The following MMP24 variants were observed in gnomAD, a reference collection of about 807,000 sequenced individuals.
The protein encoded by MMP24 is matrix metalloproteinase-24.
MMP24 carries 25 observed loss-of-function variants against 62.8 expected under a neutral mutation model. The observed-to-expected ratio is 0.40, with a 90% confidence interval of 0.29 to 0.56. The LOEUF (loss-of-function observed/expected upper bound fraction) is 0.56, where lower values mean the gene tolerates loss of function less well. Ranked by LOEUF, MMP24 falls within the 20% of genes least tolerant of loss-of-function variation. The probability of loss-of-function intolerance (pLI) is 0.50; values close to 1 mark genes in which losing one functional copy is unlikely to be tolerated. For synonymous variants in MMP24, 319 were observed against 350.5 expected, an observed-to-expected ratio of 0.91 and a Z score of 1.00; for missense variants, 634 against 853.6, an observed-to-expected ratio of 0.74 and a Z score of 3.21.
intron 6 of MMP24, among the ~76,000 whole-genome samples, chr20:35,268,306 G>A (rs527672470): frequency 1.3e-5 from 2 of 152,368 alleles, no homozygotes; most frequent in East Asian, 3.9e-4. Context: ...TGGCCACACT[G>A]CTGGCCACTG....
rs371836548 is a variant in MMP24 at position 35,253,587 on chromosome 20, C to T, written c.513-863C>T. Among the ~76,000 whole-genome samples the T allele has an allele frequency of 6.0e-4, 92 of 152,164 alleles. No homozygotes were observed. The South Asian group carries it at 0.019, about 31-fold the overall frequency. ...GAATAATCCATGCCCCAGAGGGTCA[C>T]AGGGCAGGGAACCCACAGGTAGTAA... On this transcript the variant is annotated intron_variant, in intron 3 of 8. Coordinates refer to ENST00000246186, the MANE Select transcript of MMP24 (RefSeq NM_006690.4).
chr20:35,232,753 T>C (rs1276176844), intron 1 of MMP24, among the ~76,000 whole-genome samples: 1 of 152,158 alleles, frequency 6.6e-6, no homozygotes, highest in African/African-American at 2.4e-5. Flanking sequence ...AGTAAGAGTG[T>C]ATAAGGAGAA....
chr20:35,251,039 T>A (rs992519373), intron 2 of MMP24, among the ~76,000 whole-genome samples: 1 of 152,062 alleles, frequency 6.6e-6, no homozygotes, highest in Non-Finnish European at 1.5e-5. Flanking sequence ...AATAAACCAA[T>A]AAATTTTAAA....
At chr20:35,270,915 C>A (rs920115270) in intron 7 of MMP24, among the ~76,000 whole-genome samples, 3 of 152,222 alleles carry the variant, frequency 2.0e-5, no homozygotes, top group Non-Finnish European at 4.4e-5. Flanking sequence ...TGGCACGTGC[C>A]TGTAATCCTA....
intron 5 of MMP24, among the ~76,000 whole-genome samples, chr20:35,265,309 G>A (rs2060627004): frequency 6.6e-6 from 1 of 152,116 alleles, no homozygotes; most frequent in Non-Finnish European, 1.5e-5. Context: ...TGGCATGGTG[G>A]TGCACGCCTA....
At chr20:35,265,519 A>G (rs564010314) in intron 5 of MMP24, among the ~76,000 whole-genome samples, 7 of 152,290 alleles carry the variant, frequency 4.6e-5, no homozygotes, top group African/African-American at 1.7e-4. Context: ...GTCATACACT[A>G]GTATGTATTA....
At position 35,271,774 on chromosome 20, in the gene MMP24, C is replaced by T. The variant is rs61729977; in HGVS notation, c.1539C>T (p.Pro513=). The T allele has an allele frequency of 1.9e-6, 3 of 1,604,634 alleles. No homozygotes were observed. Among genetic ancestry groups the T allele is most frequent in the African/African-American group, 2.7e-5 (2 of 74,834 alleles). ...CCACGGACCCTGGCTACCCTAAGCC[C>T]ATCACCGTGTGGAAGGGCATCCCAC... is the stretch of plus-strand genomic sequence containing the variant. ...RRATDPGYPK[P]ITVWKGIPQA... is the part of the protein sequence containing the mutation. The change falls in exon 8 of 9, where the codon CCC becomes CCT. Residue 513 remains proline, a synonymous_variant. Transcript: ENST00000246186. The surrounding 1 kb of genome is among the most constrained non-coding windows in gnomAD (Gnocchi z 4.0).
chr20:35,258,145 GC>G, intron 4 of MMP24, among the ~76,000 whole-genome samples: 1 of 152,174 alleles, frequency 6.6e-6, no homozygotes, highest in Admixed American at 6.5e-5. Context: ...CAACGTTGTG[GC>G]ATTCCTATTT....
intron 1 of MMP24, among the ~76,000 whole-genome samples, chr20:35,245,443 T>C (rs2060509466): frequency 6.6e-6 from 1 of 152,096 alleles, no homozygotes. Context: ...TATAGGCATA[T>C]ATGTATATTT....
intron 2 of MMP24, 48 bp from the exon 3 acceptor site, chr20:35,251,857 C>A (rs2060548605): frequency 2.1e-6 from 3 of 1,455,058 alleles, no homozygotes; most frequent in South Asian, 1.1e-5. Context: ...CTAAAGTGTT[C>A]AGTGACCACA....
intron 1 of MMP24, among the ~76,000 whole-genome samples, chr20:35,242,824 A>G (rs1272052115): frequency 6.6e-6 from 1 of 152,222 alleles, no homozygotes; most frequent in Admixed American, 6.5e-5. Context: ...TAGGACCCAC[A>G]AGAACTGGCT....
Position 35,256,646 on chromosome 20 carries a change from G to C in MMP24, c.817+1892G>C, listed in dbSNP as rs532531885. Among the ~76,000 whole-genome samples, 11 of 150,242 alleles carry C rather than the reference G, an allele frequency of 7.3e-5. No individual in the cohort carries two copies. The South Asian group carries it at 2.3e-3, about 32-fold the overall frequency. ...AGGCAGGAGAATCCCTTGAACCCGG[G>C]AGGCGGAGGTTACAGTGAGCCGAGA... On this transcript the variant is annotated intron_variant, in intron 4 of 8. Coordinates refer to ENST00000246186, the MANE Select transcript of MMP24 (RefSeq NM_006690.4).
In MMP24 at chr20:35,254,581, G is replaced by T. The variant is rs766205973; in HGVS notation, c.644G>T (p.Arg215Leu). 1.2e-6 allele frequency: 2 copies of T among 1,614,054 alleles called. No individual in the cohort carries two copies. Among genetic ancestry groups the T allele is most frequent in the African/African-American group, 1.3e-5 (1 of 75,054 alleles). Residue 215 changes from arginine (R) to leucine (L), a missense_variant, in exon 4 of 9, where the codon CGG (arginine) becomes CTG (leucine). Transcript: ENST00000246186. ...CCATACCATGAGATCAAAAGTGACC[G>T]GAAGGAGGCAGACATCATGATCTTT... Reference protein sequence around the residue: ...EVPYHEIKSDRKEADIMIFFA... With the variant: ...EVPYHEIKSDLKEADIMIFFA...
rs1018753372 is a variant in MMP24, at chr20:35,275,613, T to A, written c.*1004T>A. On this transcript the variant is annotated 3_prime_UTR_variant, in exon 9 of 9. Transcript: ENST00000246186. ...CAGCCTGGAGCTCAGCCTCACCAGT[T>A]AGGTGAGGCAGAGATGGCTGCAGGG... 3 of 159,006 alleles carry A rather than the reference T, an allele frequency of 1.9e-5. No individual in the cohort carries two copies. Among genetic ancestry groups the A allele is most frequent in the African/African-American group, 7.2e-5 (3 of 41,666 alleles). The allele number at this position is 159,006 out of a possible 1,614,324, so 9.8% of individuals were successfully genotyped here.
Position 35,246,883 on chromosome 20 carries a change from G to A in MMP24, c.290G>A (p.Arg97Gln), listed in dbSNP as rs140648293. 4.2e-4 allele frequency: 675 copies of A among 1,613,910 alleles called. No homozygotes were observed. Among genetic ancestry groups the A allele is most frequent in the Non-Finnish European group, 5.2e-4 (615 of 1,179,860 alleles). ...GGCTATCTGCTTCCCTATGACTCAC[G>A]GGCATCTGCGCTGCACTCAGCGAAG... ...SYGYLLPYDS[R>Q]ASALHSAKAL... Residue 97 changes from arginine (R) to glutamine (Q), a missense_variant, in exon 2 of 9, where the codon CGG becomes CAG. Physicochemically the swap from Arg to Gln is conservative, Grantham distance 43. This residue lies in a region of MMP24 where 212 missense variants were observed against 259.6 expected (regional missense o/e 0.82). Transcript: ENST00000246186.
chr20:35,240,888 A>G (rs960566904), intron 1 of MMP24, among the ~76,000 whole-genome samples: 3 of 152,210 alleles, frequency 2.0e-5, no homozygotes, highest in Non-Finnish European at 4.4e-5. Context: ...CAGGAACTCA[A>G]TCTAGTGGGA....
intron 8 of MMP24, among the ~76,000 whole-genome samples, chr20:35,273,362 C>T (rs1224090314): frequency 2.0e-5 from 3 of 150,702 alleles, no homozygotes; most frequent in African/African-American, 7.3e-5. Context: ...CACCACTGTA[C>T]TCCAGCCTAG....
At chr20:35,262,464 T>C (rs2060608998) in intron 4 of MMP24, among the ~76,000 whole-genome samples, 1 of 151,498 alleles carries the variant, frequency 6.6e-6, no homozygotes, top group Admixed American at 6.5e-5. Context: ...AACATCTCAA[T>C]GCTTTACAAA....
rs577067524 is a variant in MMP24 at position 35,226,773 on chromosome 20, G to GGCC, written c.58_60dup (p.Pro20dup). 2.1e-4 allele frequency: 178 copies of GGCC among 854,742 alleles called. No homozygotes were observed. In the South Asian group the frequency reaches 4.9e-3, roughly 23 times the overall value. 52.9% of individuals were successfully genotyped at this position (854,742 alleles called of 1,614,324 possible). On this transcript the variant is annotated inframe_insertion, in exon 1 of 9. Coordinates refer to ENST00000246186, the MANE Select transcript of MMP24 (RefSeq NM_006690.4). ...AGCCGGGGCGGCCGCGCCGCGCCGGGGCCGCCGCCGCCGCCGCCGCCGCCG... is the reference window on the plus strand; with the variant it reads ...AGCCGGGGCGGCCGCGCCGCGCCGGGGCCGCCGCCGCCGCCGCCGCCGCCGCCG...
Sources: allele counts gnomAD v4.1 joint callset (sites outside exome capture counted in the v4.1 genomes callset), GRCh38; gene constraint gnomAD v4.1.1; regional missense constraint gnomAD v4.1.1; non-coding constraint Gnocchi (gnomAD v3.1); transcripts MANE v1.5; gene names NCBI Gene and HGNC (gene_info 2026-07-23, HGNC 2026-07-21).